BIN2: variants seen among roughly 807,000 people sequenced by gnomAD.
BIN2 encodes the protein bridging integrator 2.
In BIN2, 43 loss-of-function variants were observed where a neutral mutation model predicts 67.9. That is an observed-to-expected ratio of 0.63 (90% confidence interval 0.50 to 0.82). The LOEUF is 0.82. Ranked by LOEUF, BIN2 falls within the 40% of genes least tolerant of loss-of-function variation. The probability of loss-of-function intolerance (pLI) is 0.00; values close to 1 mark genes in which losing one functional copy is unlikely to be tolerated. For synonymous variants in BIN2, 244 were observed against 246.8 expected, an observed-to-expected ratio of 0.99 and a Z score of 0.11; for missense variants, 581 against 671.6, an observed-to-expected ratio of 0.87 and a Z score of 1.49.
chr12:51,316,523 G>A (rs1462358321), intron 1 of BIN2, among the ~76,000 whole-genome samples: 3 of 151,896 alleles, frequency 2.0e-5, no homozygotes, highest in African/African-American at 7.3e-5. Context: ...AGTCCAATAT[G>A]TATCTTTAAG....
intron 10 of BIN2, among the ~76,000 whole-genome samples, chr12:51,288,896 A>G (rs1418642852): frequency 1.3e-5 from 2 of 151,768 alleles, no homozygotes; most frequent in Non-Finnish European, 2.9e-5. Flanking sequence ...ATTACGGCAC[A>G]CACCACCATG....
At chr12:51,295,953 T>C (rs1945555792) in intron 8 of BIN2, 75 bp from the exon 9 acceptor site, 1 of 1,138,938 alleles carries the variant, frequency 8.8e-7, no homozygotes, top group Non-Finnish European at 1.3e-6. Flanking sequence ...TCCCCTCCCC[T>C]TCAGACAGCT....
rs772588515 is a variant in BIN2, at chr12:51,301,243, C to CA, written c.408+776dup. Among the ~76,000 whole-genome samples the CA allele has an allele frequency of 5.8e-4, 87 of 150,632 alleles. No homozygotes were observed. The Middle Eastern group carries it at 0.037, about 65-fold the overall frequency. The stretch of plus-strand genomic sequence containing the variant: ...AAAAAAAAGAAAACAAAAACAAAAA[C>CA]AAAAAAAAACTAGCTGAATGAATAG... On this transcript the variant is annotated intron_variant, in intron 5 of 12. Transcript: ENST00000615107.
At chr12:51,307,085 C>T (rs1413433572) in intron 2 of BIN2, among the ~76,000 whole-genome samples, 6 of 151,670 alleles carry the variant, frequency 4.0e-5, no homozygotes, top group Non-Finnish European at 7.4e-5. Flanking sequence ...GAGATCGAGA[C>T]CAGACTGGCC....
intron 2 of BIN2, among the ~76,000 whole-genome samples, chr12:51,309,645 G>C (rs1945947996): frequency 6.6e-6 from 1 of 152,030 alleles, no homozygotes. Context: ...CAAAGTGTTG[G>C]GATGACAGGC....
At chr12:51,324,649 G>C, upstream of BIN2, 2 of 1,026,316 alleles carry the variant, frequency 1.9e-6, no homozygotes, top group Non-Finnish European at 2.7e-6. Context: ...ACCCGAGCCG[G>C]GCTTGAAAGA....
intron 11 of BIN2, among the ~76,000 whole-genome samples, chr12:51,287,649 G>GT (rs544875937): frequency 0.049 from 6,790 of 139,528 alleles, 141 homozygotes; most frequent in East Asian, 0.1. Context: ...CCTAGGAAAA[G>GT]TTTTTTTTTT....
At chr12:51,297,372 T>G (rs903446047) in intron 7 of BIN2, 15 of 405,390 alleles carry the variant, frequency 3.7e-5, no homozygotes, top group East Asian at 9.1e-5. Context: ...ATCAAGACCA[T>G]CCTGGCTAAC....
intron 7 of BIN2, among the ~76,000 whole-genome samples, chr12:51,298,414 G>A (rs1945627587): frequency 6.6e-6 from 1 of 151,692 alleles, no homozygotes; most frequent in Non-Finnish European, 1.5e-5. Flanking sequence ...TTAGTCAGGT[G>A]TGGTGGCACG....
intron 2 of BIN2, among the ~76,000 whole-genome samples, chr12:51,311,713 T>C (rs529714207): frequency 6.6e-6 from 1 of 152,028 alleles, no homozygotes; most frequent in Non-Finnish European, 1.5e-5. Flanking sequence ...TATTTTGAGG[T>C]GTGATAATGG....
intron 1 of BIN2, among the ~76,000 whole-genome samples, chr12:51,318,743 C>T (rs781218347): frequency 2.0e-5 from 3 of 152,212 alleles, no homozygotes; most frequent in Non-Finnish European, 4.4e-5. Flanking sequence ...CCCTTTCCCC[C>T]ATTAGATAAT....
At chr12:51,320,967 ACACT>A (rs1163471562) in intron 1 of BIN2, among the ~76,000 whole-genome samples, 42 of 151,822 alleles carry the variant, frequency 2.8e-4, no homozygotes, top group African/African-American at 4.8e-4. Flanking sequence ...ACACACACAC[ACACT>A]CTAAAGCCAG....
At chr12:51,296,296 A>C (rs1945565440) in intron 8 of BIN2, among the ~76,000 whole-genome samples, 1 of 152,116 alleles carries the variant, frequency 6.6e-6, no homozygotes. Flanking sequence ...GGAGATCGAG[A>C]CCATCCTGGC....
chr12:51,292,345 C>A lies in BIN2; in HGVS notation c.762-1G>T. ...AATGACTAAAGAGCGCCTGCTGCTG[C>A]TAAAAAAGGAAGGTGTTCAGATTCA... On this transcript the variant is annotated splice_acceptor_variant, in intron 9 of 12. Transcript: ENST00000615107. LOFTEE classifies it high-confidence loss of function. The A allele has an allele frequency of 6.4e-7, 1 of 1,557,906 alleles. No homozygotes were observed. The highest frequency in any genetic ancestry group is 8.6e-7 in the Non-Finnish European group (1 of 1,158,000).
At chr12:51,324,200 C>G (rs535093221), upstream of BIN2, 84 of 1,523,162 alleles carry the variant, frequency 5.5e-5, no homozygotes, top group South Asian at 1.0e-3. Context: ...GCCTCGCATC[C>G]GGCCCCAGCC....
intron 10 of BIN2, among the ~76,000 whole-genome samples, chr12:51,291,018 G>A (rs189358170): frequency 7.3e-5 from 11 of 150,810 alleles, no homozygotes; most frequent in Admixed American, 5.9e-4. Flanking sequence ...GTGTGGTGGC[G>A]TGCACCTGTA....
rs1301020027 is a variant in BIN2, at chr12:51,281,427, C to T, written c.*72G>A. 6.7e-7 allele frequency: 1 copy of T among 1,502,234 alleles called. No individual in the cohort carries two copies. Among genetic ancestry groups the T allele is most frequent in the Admixed American group, 1.7e-5 (1 of 59,764 alleles). 93.1% of individuals were successfully genotyped at this position (1,502,234 alleles called of 1,614,324 possible). A position where few individuals can be genotyped will look rare whatever the true frequency, so the allele number is the denominator to read the frequency against. ...GATGGATGCTGGCTCTTATATCCCT[C>T]TGACCTATACCCTCTGGTTGAAGAG... On this transcript the variant is annotated 3_prime_UTR_variant, in exon 13 of 13. Coordinates refer to ENST00000615107, the MANE Select transcript of BIN2 (RefSeq NM_016293.4).
chr12:51,316,394 G>T (rs1946134489), intron 1 of BIN2, among the ~76,000 whole-genome samples: 1 of 152,048 alleles, frequency 6.6e-6, no homozygotes, highest in Non-Finnish European at 1.5e-5. Flanking sequence ...TACTTGGGAG[G>T]CTGAGGCATG....
chr12:51,282,942 T>C (rs999796906), intron 12 of BIN2, among the ~76,000 whole-genome samples: 1 of 151,580 alleles, frequency 6.6e-6, no homozygotes, highest in African/African-American at 2.4e-5. Flanking sequence ...GTTTCCTACT[T>C]ATTAAAAAAA....
Sources: allele counts gnomAD v4.1 joint callset (sites outside exome capture counted in the v4.1 genomes callset), GRCh38; gene constraint gnomAD v4.1.1; transcripts MANE v1.5; gene names NCBI Gene and HGNC (gene_info 2026-07-23, HGNC 2026-07-21).